Variants in OSBPL8 observed in about 807,000 individuals in gnomAD.
The protein encoded by OSBPL8 is oxysterol binding protein like 8, also known as oxysterol-binding protein-related protein 8.
Under a neutral mutation model 125.5 loss-of-function variants are expected in OSBPL8, and 59 were observed. The observed-to-expected ratio is 0.47, with a 90% CI of 0.38 to 0.58. The LOEUF is 0.58. OSBPL8 is among the 20% of genes least tolerant of loss of function. The pLI, the probability that OSBPL8 is intolerant of heterozygous loss-of-function variation, is 0.00. For synonymous variants in OSBPL8, 330 were observed against 338.9 expected (o/e 0.97, Z 0.29); for missense variants, 758 against 1,047.8 (o/e 0.72, Z 3.82).
At chr12:76,445,018 A>G (rs1212188401) in intron 4 of OSBPL8, among the ~76,000 whole-genome samples, 1 of 152,140 alleles carries the variant, frequency 6.6e-6, no homozygotes, top group African/African-American at 2.4e-5. Context: ...ACTTCATAGG[A>G]TCCATGTGTT....
intron 19 of OSBPL8, among the ~76,000 whole-genome samples, chr12:76,370,050 G>T (rs1952562202): frequency 6.6e-6 from 1 of 152,108 alleles, no homozygotes; most frequent in South Asian, 2.1e-4. Context: ...CTTGGCAAGA[G>T]AAACTTACTA....
intron 23 of OSBPL8, 117 bp downstream of exon 23, chr12:76,356,509 T>C (rs1406702267): frequency 1.6e-6 from 1 of 635,184 alleles, no homozygotes; most frequent in Non-Finnish European, 2.6e-6. Context: ...CTAAACATTG[T>C]ATTTTAGCTT....
At chr12:76,421,024 C>A (rs1869409278) in intron 4 of OSBPL8, among the ~76,000 whole-genome samples, 1 of 151,904 alleles carries the variant, frequency 6.6e-6, no homozygotes, top group African/African-American at 2.4e-5. Context: ...GACAATTTTG[C>A]CTTTAACTGC....
At chr12:76,410,737 A>C (rs1453834008) in intron 4 of OSBPL8, 103 bp from the exon 5 acceptor site, 1 of 756,874 alleles carries the variant, frequency 1.3e-6, no homozygotes, top group African/African-American at 1.7e-5. Flanking sequence ...CAGTGCAGGA[A>C]GCCTGTACAC....
intron 1 of OSBPL8, among the ~76,000 whole-genome samples, chr12:76,543,837 T>C (rs1480184591): frequency 6.6e-6 from 1 of 152,210 alleles, no homozygotes; most frequent in Admixed American, 6.5e-5. Flanking sequence ...ACAGGGTAGC[T>C]GCCCAGAATT....
At chr12:76,550,250 G>C (rs1295501860) in intron 1 of OSBPL8, among the ~76,000 whole-genome samples, 1 of 151,898 alleles carries the variant, frequency 6.6e-6, no homozygotes, top group Admixed American at 6.6e-5. Context: ...TTTTTAATTT[G>C]ATGGTCAGAA....
At chr12:76,463,636 A>G (rs1454847304) in intron 2 of OSBPL8, among the ~76,000 whole-genome samples, 1 of 152,206 alleles carries the variant, frequency 6.6e-6, no homozygotes, top group African/African-American at 2.4e-5. Flanking sequence ...TGGACAACAC[A>G]ACTAAGAATC....
chr12:76,406,229 A>C (rs2136386582), intron 5 of OSBPL8, among the ~76,000 whole-genome samples: 1 of 152,354 alleles, frequency 6.6e-6, no homozygotes, highest in East Asian at 1.9e-4. Context: ...TGAAAATTAC[A>C]AAATGCTACA....
At chr12:76,410,728 A>T (rs1377551157) in intron 4 of OSBPL8, 94 bp from the exon 5 acceptor site, 3 of 823,942 alleles carry the variant, frequency 3.6e-6, no homozygotes, top group Non-Finnish European at 4.0e-6. Context: ...GATATAAATC[A>T]GTGCAGGAAG....
intron 1 of OSBPL8, among the ~76,000 whole-genome samples, chr12:76,503,736 G>C (rs1299065093): frequency 6.6e-6 from 1 of 151,834 alleles, no homozygotes; most frequent in Non-Finnish European, 1.5e-5. Context: ...GTAGAGACTG[G>C]GTTTCACCGT....
chr12:76,480,455 G>A (rs952428345), intron 2 of OSBPL8, among the ~76,000 whole-genome samples: 11 of 152,040 alleles, frequency 7.2e-5, no homozygotes, highest in Non-Finnish European at 1.5e-4. Flanking sequence ...ATTGGGATAC[G>A]TTCTACTACT....
At chr12:76,366,155 T>G (rs1952407098) in intron 21 of OSBPL8, among the ~76,000 whole-genome samples, 1 of 152,232 alleles carries the variant, frequency 6.6e-6, no homozygotes, top group Non-Finnish European at 1.5e-5. Flanking sequence ...TGAGAAGGAT[T>G]TGTGCTTGTT....
intron 1 of OSBPL8, among the ~76,000 whole-genome samples, chr12:76,557,611 TA>T (rs35658174): frequency 0.65 from 88,079 of 136,356 alleles, 28,330 homozygotes; most frequent in East Asian, 0.83. Context: ...GAGACAGTCT[TA>T]AAAAAAAAAA....
At chr12:76,471,471 C>A (rs116115063) in intron 2 of OSBPL8, among the ~76,000 whole-genome samples, 2 of 152,172 alleles carry the variant, frequency 1.3e-5, no homozygotes, top group Admixed American at 6.5e-5. Context: ...AAGTCCAGGA[C>A]AAGGTCCTAA....
Position 76,450,916 on chromosome 12 carries a change from G to C in OSBPL8, c.152C>G (p.Ala51Gly), listed in dbSNP as rs1019475721. 1.2e-6 allele frequency: 2 copies of C among 1,613,936 alleles called. No individual in the cohort carries two copies. Among genetic ancestry groups the C allele is most frequent in the Non-Finnish European group, 1.7e-6 (2 of 1,179,972 alleles). ...CAAATCTTTGGTTGGCGTTGGATAA[G>C]CTTCTTTTCCTTGGCGCTGACTCAT... is the stretch of plus-strand genomic sequence containing the variant. The part of the protein sequence containing the change: ...GKMSQRQGKE[A>G]YPTPTKDLHQ... Residue 51 changes from alanine (A) to glycine (G), a missense_variant, in exon 4 of 24, where the codon GCT becomes GGT. Coordinates refer to ENST00000261183, the MANE Select transcript of OSBPL8 (RefSeq NM_020841.5).
chr12:76,413,343 A>G (rs1468332500), intron 4 of OSBPL8, among the ~76,000 whole-genome samples: 1 of 152,174 alleles, frequency 6.6e-6, no homozygotes, highest in African/African-American at 2.4e-5. Flanking sequence ...CAGGTACTTC[A>G]TTCGTTTTCA....
intron 1 of OSBPL8, among the ~76,000 whole-genome samples, chr12:76,519,848 C>T (rs955305678): frequency 2.0e-5 from 3 of 152,064 alleles, no homozygotes; most frequent in South Asian, 2.1e-4. Context: ...AAGGAGATGG[C>T]GCTAAACCAT....
At chr12:76,474,540 G>A (rs1270879592) in intron 2 of OSBPL8, among the ~76,000 whole-genome samples, 1 of 152,142 alleles carries the variant, frequency 6.6e-6, no homozygotes, top group Non-Finnish European at 1.5e-5. Context: ...GGAGTGCAGT[G>A]GCATGATCTT....
At chr12:76,482,615 A>G (rs1285680919) in intron 2 of OSBPL8, among the ~76,000 whole-genome samples, 1 of 102,518 alleles carries the variant, frequency 9.8e-6, no homozygotes, top group East Asian at 2.0e-4. Context: ...CTCCGTTTCA[A>G]AAAAAAAAAA....
Sources: gnomAD v4.1 joint callset for allele counts (sites outside exome capture counted in the v4.1 genomes callset) on GRCh38, gnomAD v4.1.1 for gene constraint, MANE v1.5 for transcripts, NCBI Gene and HGNC (gene_info 2026-07-23, HGNC 2026-07-21) for gene names.